The following HTR1F variants were observed in gnomAD, a reference collection of about 807,000 sequenced individuals.
HTR1F encodes 5-hydroxytryptamine (serotonin) receptor 1F, G protein-coupled.
Under a neutral mutation model 24.0 loss-of-function variants are expected in HTR1F, and 17 were observed. The ratio of observed to expected loss-of-function variants is 0.71; its 90% confidence interval spans 0.48 to 1.06. HTR1F has a LOEUF of 1.06. HTR1F is among the 50% of genes least tolerant of loss of function. HTR1F has a pLI of 0.00. For synonymous variants in HTR1F, 186 were observed against 156.8 expected (o/e 1.19, Z -1.39); for missense variants, 391 against 427.8 (o/e 0.91, Z 0.76).
In HTR1F at chr3:87,896,232, A is replaced by G. The variant is rs1199270484; in HGVS notation, c.-43+74108A>G. Among the ~76,000 whole-genome samples, 8 of 152,266 alleles carry G rather than the reference A, an allele frequency of 5.3e-5. No homozygotes were observed. The East Asian group carries it at 1.2e-3, about 22-fold the overall frequency. ...ACCTGAAAAGAGCTTTACCTGCTCA[A>G]TGCATACACCAATAGTCATAGCAGC... On this transcript the variant is annotated intron_variant, in intron 2 of 2. Coordinates refer to ENST00000319595, the MANE Select transcript of HTR1F (RefSeq NM_001322209.2).
intron 2 of HTR1F, among the ~76,000 whole-genome samples, chr3:87,929,324 C>T (rs1847305): frequency 0.44 from 66,476 of 151,928 alleles, 15,531 homozygotes; most frequent in African/African-American, 0.61. Flanking sequence ...GCTGGCTCCA[C>T]AGTAATATAA....
At chr3:87,932,741 C>T (rs1036917472) in intron 2 of HTR1F, among the ~76,000 whole-genome samples, 42 of 151,412 alleles carry the variant, frequency 2.8e-4, no homozygotes, top group African/African-American at 9.7e-4. Context: ...AGTCCAGGAC[C>T]AGATGGACTC....
intron 2 of HTR1F, among the ~76,000 whole-genome samples, chr3:87,872,750 A>T (rs1210506328): frequency 6.6e-6 from 1 of 152,058 alleles, no homozygotes; most frequent in Non-Finnish European, 1.5e-5. Context: ...TCATGAATAA[A>T]TAGAAAATTT....
In HTR1F at chr3:87,842,137, C is replaced by A. The variant is rs112288594; in HGVS notation, c.-43+20013C>A. Among the ~76,000 whole-genome samples, 28 of 151,722 alleles carry A rather than the reference C, an allele frequency of 1.8e-4. 3 individuals carry two copies. Among genetic ancestry groups the A allele is most frequent in the African/African-American group, 6.8e-4 (28 of 41,186 alleles). On this transcript the variant is annotated intron_variant, in intron 2 of 2. Coordinates refer to ENST00000319595, the MANE Select transcript of HTR1F (RefSeq NM_001322209.2). The stretch of plus-strand genomic sequence containing the variant: ...AAATCTCTGAACATTAGCAATTCAG[C>A]AACTCAAAACAATAGGCTTTTTTTG...
At chr3:87,926,243 GTTCA>G (rs1001408416) in intron 2 of HTR1F, among the ~76,000 whole-genome samples, 4 of 152,132 alleles carry the variant, frequency 2.6e-5, no homozygotes, top group African/African-American at 9.7e-5. Flanking sequence ...ACTCACTGCA[GTTCA>G]TTCAGTGTTG....
chr3:87,967,447 C>CT (rs1705190421), intron 2 of HTR1F, among the ~76,000 whole-genome samples: 1 of 149,202 alleles, frequency 6.7e-6, no homozygotes, highest in East Asian at 2.0e-4. Context: ...GAAACTGTCT[C>CT]AAAAAAAAAA....
intron 2 of HTR1F, among the ~76,000 whole-genome samples, chr3:87,910,914 T>C (rs1385593207): frequency 6.6e-6 from 1 of 152,026 alleles, no homozygotes; most frequent in Non-Finnish European, 1.5e-5. Context: ...AAGAAGTTCT[T>C]TGAAACTAAT....
At chr3:87,833,554 T>C in intron 2 of HTR1F, among the ~76,000 whole-genome samples, 1 of 151,982 alleles carries the variant, frequency 6.6e-6, no homozygotes, top group African/African-American at 2.4e-5. Flanking sequence ...CCAGCTGGAG[T>C]GTAGTGGCAT....
intron 2 of HTR1F, among the ~76,000 whole-genome samples, chr3:87,944,172 G>T (rs2107446598): frequency 6.6e-6 from 1 of 152,250 alleles, no homozygotes; most frequent in Admixed American, 6.5e-5. Flanking sequence ...TTACTAGTGT[G>T]CCCAACATTG....
chr3:87,833,182 A>G (rs1260849314), intron 2 of HTR1F, among the ~76,000 whole-genome samples: 4 of 147,124 alleles, frequency 2.7e-5, no homozygotes, highest in Admixed American at 2.7e-4. Flanking sequence ...CCACTGGCAG[A>G]CTCTGCTTCC....
At chr3:87,874,665 T>A (rs1705631433) in intron 2 of HTR1F, among the ~76,000 whole-genome samples, 1 of 149,950 alleles carries the variant, frequency 6.7e-6, no homozygotes, top group Non-Finnish European at 1.5e-5. Flanking sequence ...TAATATGGAA[T>A]CTCAAAGGAC....
At chr3:87,801,787 A>G (rs1181228409) in intron 1 of HTR1F, among the ~76,000 whole-genome samples, 3 of 152,142 alleles carry the variant, frequency 2.0e-5, no homozygotes, top group Non-Finnish European at 4.4e-5. Flanking sequence ...GAGGCCTAAG[A>G]TATTTTCCTT....
chr3:87,967,805 A>C (rs974976293), intron 2 of HTR1F, among the ~76,000 whole-genome samples: 5 of 152,206 alleles, frequency 3.3e-5, no homozygotes, highest in African/African-American at 1.2e-4. Flanking sequence ...TAAATTGCCC[A>C]GTCTCAGGTA....
intron 1 of HTR1F, among the ~76,000 whole-genome samples, chr3:87,803,342 A>G (rs750158851): frequency 2.6e-5 from 4 of 152,160 alleles, no homozygotes; most frequent in Non-Finnish European, 2.9e-5. Flanking sequence ...GCTCAATTCT[A>G]TGCAAACTTC....
rs1337699789 is a variant in HTR1F, at chr3:87,991,386, C to CGTA, written c.637_638insGTA (p.His213delinsArgAsn). On this transcript the variant is annotated protein_altering_variant, in exon 3 of 3. Coordinates refer to ENST00000319595, the MANE Select transcript of HTR1F (RefSeq NM_001322209.2). The stretch of plus-strand genomic sequence containing the variant: ...ATATAGAGCAGCAAAGACATTATAC[C>CGTA]ACAAGAGACAAGCAAGTAGGATTGC... The CGTA allele has an allele frequency of 1.2e-6, 2 of 1,613,854 alleles. No individual in the cohort carries two copies. Among genetic ancestry groups the CGTA allele is most frequent in the Admixed American group, 3.3e-5 (2 of 60,012 alleles).
intron 2 of HTR1F, among the ~76,000 whole-genome samples, chr3:87,847,931 T>C (rs1704983361): frequency 1.3e-5 from 2 of 151,968 alleles, no homozygotes; most frequent in Admixed American, 6.6e-5. Context: ...TAAATGCGTT[T>C]GTTCACTGAT....
At chr3:87,798,272 A>C (rs1407956412) in intron 1 of HTR1F, among the ~76,000 whole-genome samples, 1 of 151,976 alleles carries the variant, frequency 6.6e-6, no homozygotes, top group Non-Finnish European at 1.5e-5. Context: ...CTCCCTCACC[A>C]GTTCCAACTC....
At chr3:87,944,298 G>T (rs533240527) in intron 2 of HTR1F, among the ~76,000 whole-genome samples, 1 of 152,314 alleles carries the variant, frequency 6.6e-6, no homozygotes, top group East Asian at 1.9e-4. Context: ...ATTCATTTCA[G>T]AGAGGATGTA....
intron 2 of HTR1F, among the ~76,000 whole-genome samples, chr3:87,899,112 A>G (rs1329378947): frequency 1.3e-5 from 2 of 152,162 alleles, no homozygotes; most frequent in African/African-American, 4.8e-5. Flanking sequence ...AGCCTTATGA[A>G]TTTTTCATTC....
Sources: gnomAD v4.1 joint callset for allele counts (sites outside exome capture counted in the v4.1 genomes callset) on GRCh38, gnomAD v4.1.1 for gene constraint, MANE v1.5 for transcripts, NCBI Gene and HGNC (gene_info 2026-07-23, HGNC 2026-07-21) for gene names.